The following LHX5 variants were observed in gnomAD, a reference collection of about 807,000 sequenced individuals.
LHX5 encodes LIM homeobox 5, also known as LIM/homeobox protein Lhx5.
In LHX5, 5 loss-of-function variants were observed where a neutral mutation model predicts 30.6. That is an observed-to-expected ratio of 0.16 (90% CI 0.09 to 0.34). LHX5 has a LOEUF of 0.34. Among genes scored for constraint, LHX5 ranks in the 10% least tolerant of loss-of-function variants. The pLI is 1.00. For missense variants in LHX5, 458 were observed against 570.6 expected, an observed-to-expected ratio of 0.80 and a Z score of 2.01; for synonymous variants, 266 against 252.6, an observed-to-expected ratio of 1.05 and a Z score of -0.50.
In LHX5 at chr12:113,467,493, C is replaced by A. The variant is rs1038923738; in HGVS notation, c.676-72G>T. ...TCCCCCCCTCTTCTCCCTTCCCTGACTGGGCTGCCCCTGCTGGGTCCTTGC... is the reference window on the plus strand; with the variant it reads ...TCCCCCCCTCTTCTCCCTTCCCTGAATGGGCTGCCCCTGCTGGGTCCTTGC... On this transcript the variant is annotated intron_variant, in intron 3 of 4. Transcript: ENST00000261731. The surrounding 1 kb of genome is among the most constrained non-coding windows in gnomAD (Gnocchi z 6.3). 4.6e-6 allele frequency: 6 copies of A among 1,316,780 alleles called. No individual in the cohort carries two copies. The highest frequency in any genetic ancestry group is 3.8e-5 in the South Asian group (2 of 52,412). 81.6% of individuals were successfully genotyped at this position (1,316,780 alleles called of 1,614,324 possible). A position where few individuals can be genotyped will look rare whatever the true frequency, so the allele number is the denominator to read the frequency against.
intron 1 of LHX5, among the ~76,000 whole-genome samples, chr12:113,470,470 C>G (rs1054991673): frequency 2.0e-5 from 3 of 152,240 alleles, no homozygotes; most frequent in African/African-American, 7.2e-5. Context: ...GACATTTTCT[C>G]CCATTCAAAT....
chr12:113,462,185 C>T lies in LHX5; in HGVS notation c.*1005G>A, dbSNP rs1183978522. 6.6e-6 allele frequency: 1 copy of T among 152,008 alleles called. No individual in the cohort carries two copies. Among genetic ancestry groups the T allele is most frequent in the Non-Finnish European group, 1.5e-5 (1 of 68,008 alleles). 9.4% of individuals were successfully genotyped at this position (152,008 alleles called of 1,614,324 possible). Reference sequence around the variant, plus strand: ...TCTTAAAAATATAAAAATGTCCAACCCCGGATAACTAGAGTACAATAAATA... The same window carrying T: ...TCTTAAAAATATAAAAATGTCCAACTCCGGATAACTAGAGTACAATAAATA... On this transcript the variant is annotated 3_prime_UTR_variant, in exon 5 of 5. Transcript: ENST00000261731.
rs200149314 is a variant in LHX5, at chr12:113,468,357, G to C, written c.445C>G (p.Leu149Val). 8.1e-6 allele frequency: 13 copies of C among 1,613,990 alleles called. No homozygotes were observed. In the South Asian group the frequency reaches 1.4e-4, roughly 18 times the overall value. ...TCCGTCTCTTTGGGGTCGTCCTGCA[G>C]TGCGTCCTGGAGGTCCGGGGACAAA... ...RSLSPDLQDALQDDPKETDNS... is the reference protein window; with the variant it reads ...RSLSPDLQDAVQDDPKETDNS... Residue 149 changes from leucine to valine, a missense_variant, in exon 3 of 5, where the codon CTG becomes GTG. Around this residue, in one of 3 missense-constraint regions of LHX5, gnomAD observed 178 missense variants for 238.5 expected, o/e 0.75. Coordinates refer to ENST00000261731, the MANE Select transcript of LHX5 (RefSeq NM_022363.3).
chr12:113,469,014 T>TCCAA, intron 2 of LHX5, 108 bp downstream of exon 2: 1 of 828,196 alleles, frequency 1.2e-6, no homozygotes, highest in Non-Finnish European at 1.9e-6. Flanking sequence ...GCTGATGAGC[T>TCCAA]CCAAGCTCAG....
rs1593328767 is a variant in LHX5 at position 113,469,239 on chromosome 12, C to T, written c.280G>A (p.Val94Met). The change falls in exon 2 of 5, where the codon GTG becomes ATG. Residue 94 changes from valine (V) to methionine (M), a missense_variant. This residue lies in a region of LHX5 where 178 missense variants were observed against 238.5 expected (regional missense o/e 0.75). Transcript: ENST00000261731. ...CCGGTGGACAGCTGCTTGTTACACA[C>T]CATGCAGGTGAAACAGTTGAGGTGA... is the stretch of plus-strand genomic sequence containing the variant. Reference protein sequence around the residue: ...VFHLNCFTCMVCNKQLSTGEE... With the variant: ...VFHLNCFTCMMCNKQLSTGEE... 6.2e-7 allele frequency: 1 copy of T among 1,614,234 alleles called. No individual in the cohort carries two copies. Among genetic ancestry groups the T allele is most frequent in the Non-Finnish European group, 8.5e-7 (1 of 1,180,024 alleles).
intron 3 of LHX5, 108 bp downstream of exon 3, chr12:113,468,019 C>T (rs1382051287): frequency 7.1e-6 from 10 of 1,410,934 alleles, no homozygotes; most frequent in Non-Finnish European, 9.3e-6. Flanking sequence ...TGCTCCCAGA[C>T]CAGAACCAGG....
At chr12:113,468,485 C>T (rs1958228157) in intron 2 of LHX5, 81 bp from the exon 3 acceptor site, 2 of 1,470,616 alleles carry the variant, frequency 1.4e-6, no homozygotes, top group Admixed American at 2.2e-5. Flanking sequence ...GGGTTCCCGC[C>T]GGCCCAAGCT....
At chr12:113,470,903 G>GCGGC (rs1425374969) in intron 1 of LHX5, among the ~76,000 whole-genome samples, 5 of 152,216 alleles carry the variant, frequency 3.3e-5, no homozygotes, top group Non-Finnish European at 5.9e-5. Context: ...GTTTGGGATT[G>GCGGC]CGGCCGATGG....
Position 113,463,925 on chromosome 12 carries a change from CAG to C in LHX5, c.842-370_842-369del, listed in dbSNP as rs1246039477. On this transcript the variant is annotated intron_variant, in intron 4 of 4. Coordinates refer to ENST00000261731, the MANE Select transcript of LHX5 (RefSeq NM_022363.3). The surrounding 1 kb of genome is among the most constrained non-coding windows in gnomAD (Gnocchi z 6.7). ...AGAGAGACAGAGGCGGCCAGAGACG[CAG>C]AGACAGACAATGATTCCTAAGTGTC... is the stretch of plus-strand genomic sequence containing the variant. Among the ~76,000 whole-genome samples, 1 of 152,132 alleles carries C rather than the reference CAG, an allele frequency of 6.6e-6. No individual in the cohort carries two copies. Among genetic ancestry groups the C allele is most frequent in the Non-Finnish European group, 1.5e-5 (1 of 68,030 alleles).
chr12:113,465,538 C>T lies in LHX5; in HGVS notation c.841+1718G>A, dbSNP rs1958209197. Among the ~76,000 whole-genome samples, 3 of 152,228 alleles carry T rather than the reference C, an allele frequency of 2.0e-5. No individual in the cohort carries two copies. The highest frequency in any genetic ancestry group is 4.1e-4 in the South Asian group (2 of 4,836). On this transcript the variant is annotated intron_variant, in intron 4 of 4. Coordinates refer to ENST00000261731, the MANE Select transcript of LHX5 (RefSeq NM_022363.3). This position sits in a 1 kb window ranked among gnomAD's most constrained non-coding sequence, Gnocchi z 6.7. Reference sequence around the variant, plus strand: ...CCGGGATCTCCCAGCGCGGATTAGGCGGGGCTGCCTCGCTGGGGGCTGGGG... The same window carrying T: ...CCGGGATCTCCCAGCGCGGATTAGGTGGGGCTGCCTCGCTGGGGGCTGGGG...
At position 113,468,386 on chromosome 12, in the gene LHX5, C is replaced by T. The variant is rs1207931519; in HGVS notation, c.416G>A (p.Arg139His). Residue 139 changes from arginine to histidine, a missense_variant, in exon 3 of 5, where the codon CGC becomes CAC. Coordinates refer to ENST00000261731, the MANE Select transcript of LHX5 (RefSeq NM_022363.3). ...SLNSVSSCTD[R>H]SLSPDLQDAL... ...GTCCTGGAGGTCCGGGGACAAACTG[C>T]GGTCCGTACAGGATGACACTGCGGG... The T allele has an allele frequency of 3.1e-6, 5 of 1,613,568 alleles. No individual in the cohort carries two copies. The highest frequency in any genetic ancestry group is 3.4e-6 in the Non-Finnish European group (4 of 1,179,784).
intron 1 of LHX5, among the ~76,000 whole-genome samples, chr12:113,470,806 G>A (rs902371568): frequency 6.6e-6 from 1 of 152,192 alleles, no homozygotes; most frequent in Non-Finnish European, 1.5e-5. Flanking sequence ...TGTTTAAGGG[G>A]TTGGGAGGTG....
rs1407125137 is a variant in LHX5 at position 113,463,631 on chromosome 12, G to T, written c.842-74C>A. On this transcript the variant is annotated intron_variant, in intron 4 of 4. Transcript: ENST00000261731. This position sits in a 1 kb window ranked among gnomAD's most constrained non-coding sequence, Gnocchi z 6.7. ...AGTAGGCGGGGGACCCGGGACCCGGGGAGGGGACCCGGGCGGGCGAGAGAG... is the reference window on the plus strand; with the variant it reads ...AGTAGGCGGGGGACCCGGGACCCGGTGAGGGGACCCGGGCGGGCGAGAGAG... 1 of 1,428,782 alleles carries T rather than the reference G, an allele frequency of 7.0e-7. No individual in the cohort carries two copies. Among genetic ancestry groups the T allele is most frequent in the Admixed American group, 2.5e-5 (1 of 39,872 alleles). 88.5% of individuals were successfully genotyped at this position (1,428,782 alleles called of 1,614,324 possible).
chr12:113,469,356 A>C lies in LHX5; in HGVS notation c.174-11T>G. 2 of 1,608,602 alleles carry C rather than the reference A, an allele frequency of 1.2e-6. No individual in the cohort carries two copies. Among genetic ancestry groups the C allele is most frequent in the Non-Finnish European group, 1.7e-6 (2 of 1,178,958 alleles). The stretch of plus-strand genomic sequence containing the variant: ...TTCGTGCCAAAGCGCCTGTGGACAC[A>C]ATGTGCCTGTCACTATGGGGTGGGA... On this transcript the variant is annotated splice_polypyrimidine_tract_variant and intron_variant, in intron 1 of 4. Transcript: ENST00000261731.
chr12:113,463,675 C>A lies in LHX5; in HGVS notation c.842-118G>T. 1 of 1,128,238 alleles carries A rather than the reference C, an allele frequency of 8.9e-7. No homozygotes were observed. The highest frequency in any genetic ancestry group is 1.2e-6 in the Non-Finnish European group (1 of 822,710). 69.9% of individuals were successfully genotyped at this position (1,128,238 alleles called of 1,614,324 possible). A position where few individuals can be genotyped will look rare whatever the true frequency, so the allele number is the denominator to read the frequency against. ...GAGAGAGGGGAGCGCGCGACACCGA[C>A]CCAAGGTTAGAGAGACCTGCGGAGG... On this transcript the variant is annotated intron_variant, in intron 4 of 4. Coordinates refer to ENST00000261731, the MANE Select transcript of LHX5 (RefSeq NM_022363.3). This position sits in a 1 kb window ranked among gnomAD's most constrained non-coding sequence, Gnocchi z 6.7.
rs1958176510 is a variant in LHX5, at chr12:113,462,082, GA to G, written c.*1107del. The stretch of plus-strand genomic sequence containing the variant: ...TTAATCTTTCTCTTTAAAAAAAGTT[GA>G]TTTTTTTTGTTTTTGTTTTTTGTTT... On this transcript the variant is annotated 3_prime_UTR_variant, in exon 5 of 5. Transcript: ENST00000261731. The G allele has an allele frequency of 6.7e-6, 1 of 149,152 alleles. No individual in the cohort carries two copies. The highest frequency in any genetic ancestry group is 2.1e-4 in the South Asian group (1 of 4,754). The allele number at this position is 149,152 out of a possible 1,614,324, so 9.2% of individuals were successfully genotyped here.
Position 113,464,399 on chromosome 12 carries a change from G to A in LHX5, c.842-842C>T, listed in dbSNP as rs957984959. ...GGAAACTGGATCCGGGCCGCGGCAG[G>A]AGCGACTGGTGGGTTGGGCCGGGCG... is the stretch of plus-strand genomic sequence containing the variant. On this transcript the variant is annotated intron_variant, in intron 4 of 4. Transcript: ENST00000261731. The surrounding 1 kb of genome is among the most constrained non-coding windows in gnomAD (Gnocchi z 6.2). Among the ~76,000 whole-genome samples the A allele has an allele frequency of 1.3e-5, 2 of 152,146 alleles. No individual in the cohort carries two copies. The highest frequency in any genetic ancestry group is 2.9e-5 in the Non-Finnish European group (2 of 68,026).
At position 113,467,556 on chromosome 12, in the gene LHX5, G is replaced by A; in HGVS notation, c.676-135C>T. 1 of 808,010 alleles carries A rather than the reference G, an allele frequency of 1.2e-6. No homozygotes were observed. Among genetic ancestry groups the A allele is most frequent in the Non-Finnish European group, 1.8e-6 (1 of 558,540 alleles). The allele number at this position is 808,010 out of a possible 1,614,324, so 50.1% of individuals were successfully genotyped here. A position where few individuals can be genotyped will look rare whatever the true frequency, so the allele number is the denominator to read the frequency against. On this transcript the variant is annotated intron_variant, in intron 3 of 4. Coordinates refer to ENST00000261731, the MANE Select transcript of LHX5 (RefSeq NM_022363.3). The surrounding 1 kb of genome is among the most constrained non-coding windows in gnomAD (Gnocchi z 6.3). ...CCAGGACTCCCCCGAGGCGGGGCCG[G>A]GCCGGATTAGGCCGGGAGGGGTGGA...
rs200026943 is a variant in LHX5, at chr12:113,469,521, G to A, written c.174-176C>T. Among the ~76,000 whole-genome samples the A allele has an allele frequency of 7.9e-5, 12 of 152,360 alleles. No homozygotes were observed. In the East Asian group the frequency reaches 2.3e-3, roughly 29 times the overall value. ...GGGAGAAGTGGGACAAATGTCCTGA[G>A]CTGCTTTTGGGACTGGGACTGCCAT... is the stretch of plus-strand genomic sequence containing the variant. On this transcript the variant is annotated intron_variant, in intron 1 of 4. Coordinates refer to ENST00000261731, the MANE Select transcript of LHX5 (RefSeq NM_022363.3).
Sources: allele counts gnomAD v4.1 joint callset (sites outside exome capture counted in the v4.1 genomes callset), GRCh38; gene constraint gnomAD v4.1.1; regional missense constraint gnomAD v4.1.1; non-coding constraint Gnocchi (gnomAD v3.1); transcripts MANE v1.5; gene names NCBI Gene and HGNC (gene_info 2026-07-23, HGNC 2026-07-21).